Variants in AK7 observed in about 807,000 individuals in gnomAD.
AK7 encodes adenylate kinase 7, also known as ATP-AMP transphosphorylase 7.
Under a neutral mutation model 96.6 loss-of-function variants are expected in AK7, and 78 were observed. The observed-to-expected ratio is 0.81, with a 90% CI of 0.67 to 0.97. The LOEUF (loss-of-function observed/expected upper bound fraction) is 0.97, where lower values mean the gene tolerates loss of function less well. Ranked by LOEUF, AK7 falls within the 50% of genes least tolerant of loss-of-function variation. The pLI is 0.00. For synonymous variants in AK7, 302 were observed against 317.2 expected, an observed-to-expected ratio of 0.95 and a Z score of 0.51; for missense variants, 855 against 887.9, an observed-to-expected ratio of 0.96 and a Z score of 0.47.
At chr14:96,408,691 G>A (rs1003964759) in intron 3 of AK7, among the ~76,000 whole-genome samples, 156 bp from the exon 4 acceptor site, 25 of 152,220 alleles carry the variant, frequency 1.6e-4, no homozygotes, top group Non-Finnish European at 5.9e-5. Context: ...AAAGCAGGGG[G>A]AATTTGAAGA....
chr14:96,475,667 G>T (rs908615298), intron 14 of AK7, among the ~76,000 whole-genome samples: 1 of 152,058 alleles, frequency 6.6e-6, no homozygotes, highest in Non-Finnish European at 1.5e-5. Context: ...GATCTGTAAG[G>T]CCCCCCTGAA....
intron 4 of AK7, among the ~76,000 whole-genome samples, chr14:96,410,118 C>A (rs1890951705): frequency 1.3e-5 from 2 of 152,196 alleles, no homozygotes; most frequent in South Asian, 4.1e-4. Flanking sequence ...ACACTTATTG[C>A]ATCAAATGCT....
At chr14:96,460,759 C>T (rs903633474) in intron 12 of AK7, among the ~76,000 whole-genome samples, 7 of 152,244 alleles carry the variant, frequency 4.6e-5, no homozygotes, top group East Asian at 1.9e-4. Context: ...CGCGACTGAC[C>T]GGGGCTATTT....
chr14:96,417,917 T>C (rs1290092600), intron 4 of AK7, among the ~76,000 whole-genome samples: 1 of 152,174 alleles, frequency 6.6e-6, no homozygotes, highest in Non-Finnish European at 1.5e-5. Flanking sequence ...AAGAAATACA[T>C]GTATTGGAAT....
chr14:96,461,483 C>T (rs1424647738), intron 12 of AK7, among the ~76,000 whole-genome samples: 1 of 152,116 alleles, frequency 6.6e-6, no homozygotes, highest in Non-Finnish European at 1.5e-5. Flanking sequence ...GGGTGTAAGG[C>T]TAGAAACAGG....
chr14:96,479,322 C>T (rs1247783926), intron 15 of AK7, among the ~76,000 whole-genome samples: 3 of 151,896 alleles, frequency 2.0e-5, no homozygotes, highest in Non-Finnish European at 4.4e-5. Flanking sequence ...CGTGATCTGC[C>T]CGCCTCGGCC....
At chr14:96,459,164 C>G (rs1894116523) in intron 12 of AK7, among the ~76,000 whole-genome samples, 1 of 151,922 alleles carries the variant, frequency 6.6e-6, no homozygotes, top group Admixed American at 6.6e-5. Flanking sequence ...ATGGTGAAAA[C>G]CCATCTCTAT....
intron 4 of AK7, among the ~76,000 whole-genome samples, chr14:96,420,072 G>C (rs979223184): frequency 6.6e-6 from 1 of 151,492 alleles, no homozygotes; most frequent in Non-Finnish European, 1.5e-5. Context: ...CATCATGTTA[G>C]CCAGGCTGGT....
At chr14:96,485,978 A>G (rs1895749271) in intron 16 of AK7, among the ~76,000 whole-genome samples, 1 of 151,766 alleles carries the variant, frequency 6.6e-6, no homozygotes, top group Non-Finnish European at 1.5e-5. Context: ...TTGTATTTTT[A>G]GTAGAGACGG....
In AK7 at chr14:96,392,316, C is replaced by G. The variant is rs1041672889; in HGVS notation, c.105+57C>G. 1.5e-5 allele frequency: 22 copies of G among 1,488,290 alleles called. No individual in the cohort carries two copies. The African/African-American group carries it at 2.9e-4, about 20-fold the overall frequency. 92.2% of individuals were successfully genotyped at this position (1,488,290 alleles called of 1,614,324 possible). A position where few individuals can be genotyped will look rare whatever the true frequency, so the allele number is the denominator to read the frequency against. On this transcript the variant is annotated intron_variant, in intron 1 of 17. Transcript: ENST00000267584. ...CCAGCTCTCAGCTCCCAGCCCTCGG[C>G]CCCCGGTCCGCAAACCCAGCGAGGG...
rs1319733361 is a variant in AK7, at chr14:96,458,080, C to T, written c.1228-3C>T. ...CCAATGTGAATATCCCTGTGGTATG[C>T]AGGAGGCGATTGTTGCCCCTAACGA... On this transcript the variant is annotated splice_region_variant and splice_polypyrimidine_tract_variant and intron_variant, in intron 11 of 17. Transcript: ENST00000267584. 8 of 1,611,968 alleles carry T rather than the reference C, an allele frequency of 5.0e-6. No homozygotes were observed. The Admixed American group carries it at 5.0e-5, about 10-fold the overall frequency.
Position 96,400,835 on chromosome 14 carries a change from G to T in AK7, c.294+2572G>T, listed in dbSNP as rs375446045. On this transcript the variant is annotated intron_variant, in intron 2 of 17. Transcript: ENST00000267584. ...AGCCAGAAGAGGGAGTTAATTTCCC[G>T]CAGGCTGAGGAGTATCTGAAGCAAA... is the stretch of plus-strand genomic sequence containing the variant. Among the ~76,000 whole-genome samples, 106 of 152,332 alleles carry T rather than the reference G, an allele frequency of 7.0e-4. 1 individual carries two copies. Among genetic ancestry groups the T allele is most frequent in the African/African-American group, 2.5e-3 (104 of 41,572 alleles).
intron 15 of AK7, among the ~76,000 whole-genome samples, chr14:96,478,899 G>C (rs1414691850): frequency 2.6e-5 from 4 of 151,222 alleles, no homozygotes; most frequent in African/African-American, 7.3e-5. Context: ...GAAGTCAAAT[G>C]ACAAATCCTT....
At chr14:96,424,590 C>T (rs1174476345) in intron 5 of AK7, among the ~76,000 whole-genome samples, 2 of 152,042 alleles carry the variant, frequency 1.3e-5, no homozygotes, top group Non-Finnish European at 2.9e-5. Flanking sequence ...AAGATGACAC[C>T]TAGTGGTCTC....
Position 96,414,363 on chromosome 14 carries a change from G to A in AK7, c.498+5422G>A, listed in dbSNP as rs186370769. 1.7e-4 allele frequency among the ~76,000 whole-genome samples: 26 copies of A among 152,296 alleles called. No homozygotes were observed. The East Asian group carries it at 4.4e-3, about 26-fold the overall frequency. On this transcript the variant is annotated intron_variant, in intron 4 of 17. Transcript: ENST00000267584. Reference sequence around the variant, plus strand: ...AACTCAGCCCATAGCTGAGGAGCCCGGAATATGTAGTCTAACTGCATCCAG... The same window carrying A: ...AACTCAGCCCATAGCTGAGGAGCCCAGAATATGTAGTCTAACTGCATCCAG...
At chr14:96,465,169 C>T (rs1029286251) in intron 12 of AK7, among the ~76,000 whole-genome samples, 1 of 152,068 alleles carries the variant, frequency 6.6e-6, no homozygotes, top group African/African-American at 2.4e-5. Flanking sequence ...GTATTAAAGA[C>T]CTAAAAATAA....
intron 14 of AK7, among the ~76,000 whole-genome samples, chr14:96,474,995 C>T (rs1595461077): frequency 1.3e-5 from 2 of 152,366 alleles, no homozygotes; most frequent in South Asian, 4.1e-4. Context: ...GGTCTTCTCA[C>T]TCCACTGCCT....
intron 14 of AK7, among the ~76,000 whole-genome samples, chr14:96,474,238 C>A (rs971047900): frequency 4.6e-5 from 7 of 152,014 alleles, no homozygotes; most frequent in African/African-American, 1.7e-4. Flanking sequence ...TGGTCCAGCA[C>A]AGTTTGCAGA....
intron 12 of AK7, among the ~76,000 whole-genome samples, chr14:96,468,214 CA>C (rs71103532): frequency 0.14 from 14,564 of 107,090 alleles, 756 homozygotes; most frequent in Middle Eastern, 0.19. Context: ...GACCCTGTCT[CA>C]AAAAAAAAAA....
Sources: gnomAD v4.1 joint callset for allele counts (sites outside exome capture counted in the v4.1 genomes callset) on GRCh38, gnomAD v4.1.1 for gene constraint, MANE v1.5 for transcripts, NCBI Gene and HGNC (gene_info 2026-07-23, HGNC 2026-07-21) for gene names.